RUNX2: variants seen among roughly 807,000 people sequenced by gnomAD.
RUNX2 encodes RUNX family transcription factor 2, also known as runt-related transcription factor 2.
In RUNX2, 10 loss-of-function variants were observed where a neutral mutation model predicts 51.7. The observed-to-expected ratio is 0.19, with a 90% CI of 0.12 to 0.33. RUNX2 has a LOEUF of 0.33. RUNX2 is among the 10% of genes least tolerant of loss of function. RUNX2 has a pLI of 1.00. For synonymous variants in RUNX2, 276 were observed against 273.6 expected (o/e 1.01, Z -0.09); for missense variants, 562 against 691.3 (o/e 0.81, Z 2.10).
intron 2 of RUNX2, among the ~76,000 whole-genome samples, chr6:45,372,530 A>AT (rs1796226530): frequency 6.6e-6 from 1 of 152,208 alleles, no homozygotes; most frequent in African/African-American, 2.4e-5. Context: ...ACATTTCAAG[A>AT]TTTTTTAATG....
chr6:45,342,862 T>C (rs1481809869), intron 2 of RUNX2, among the ~76,000 whole-genome samples: 2 of 152,198 alleles, frequency 1.3e-5, no homozygotes, highest in Non-Finnish European at 2.9e-5. Context: ...TTACAAGATA[T>C]TTGTAAATCG....
intron 3 of RUNX2, among the ~76,000 whole-genome samples, chr6:45,428,582 A>T (rs2819858): frequency 0.45 from 68,995 of 151,944 alleles, 15,851 homozygotes; most frequent in South Asian, 0.61. Flanking sequence ...GGCTCACACA[A>T]CTTGTGATTA....
chr6:45,395,921 C>T (rs1797571726), intron 2 of RUNX2, among the ~76,000 whole-genome samples: 1 of 152,204 alleles, frequency 6.6e-6, no homozygotes, highest in Non-Finnish European at 1.5e-5. Flanking sequence ...TGGCCTCGGC[C>T]TCCCAAAGTG....
At chr6:45,338,982 A>C (rs1279489332) in intron 2 of RUNX2, among the ~76,000 whole-genome samples, 1 of 152,182 alleles carries the variant, frequency 6.6e-6, no homozygotes, top group Non-Finnish European at 1.5e-5. Flanking sequence ...ATAAAATGAC[A>C]TGTAATAAGC....
chr6:45,404,262 AAAAAAAAAAAAAG>A (rs1797782940), intron 2 of RUNX2, among the ~76,000 whole-genome samples: 1 of 139,218 alleles, frequency 7.2e-6, no homozygotes, highest in Non-Finnish European at 1.6e-5. Flanking sequence ...TCTGTCTCAA[AAAAAAAAAAAAAG>A]AAAAAGAAAA....
At chr6:45,426,848 A>T (rs1170874750) in intron 3 of RUNX2, among the ~76,000 whole-genome samples, 1 of 152,178 alleles carries the variant, frequency 6.6e-6, no homozygotes, top group African/African-American at 2.4e-5. Flanking sequence ...TCTCTCTTCG[A>T]AAACAAATAT....
At chr6:45,544,112 G>A (rs1802316929) in intron 7 of RUNX2, among the ~76,000 whole-genome samples, 1 of 151,824 alleles carries the variant, frequency 6.6e-6, no homozygotes, top group Non-Finnish European at 1.5e-5. Flanking sequence ...TCCCTTTCAA[G>A]TCAACATTAG....
intron 6 of RUNX2, among the ~76,000 whole-genome samples, chr6:45,500,046 A>T (rs1262877839): frequency 6.6e-6 from 1 of 152,192 alleles, no homozygotes; most frequent in African/African-American, 2.4e-5. Context: ...AAGGATCAGA[A>T]TAGGAGATTA....
chr6:45,545,941 T>C (rs1582231016), intron 8 of RUNX2, among the ~76,000 whole-genome samples: 1 of 152,324 alleles, frequency 6.6e-6, no homozygotes, highest in Admixed American at 6.5e-5. Context: ...AAACCATCTT[T>C]GCCTTCAGGT....
chr6:45,394,280 C>G (rs1797537080), intron 2 of RUNX2, among the ~76,000 whole-genome samples: 1 of 152,114 alleles, frequency 6.6e-6, no homozygotes, highest in South Asian at 2.1e-4. Context: ...AAGCACCAAG[C>G]CATTCATGAG....
Position 45,547,372 on chromosome 6 carries a change from T to G in RUNX2, c.*67T>G, listed in dbSNP as rs1802434576. On this transcript the variant is annotated 3_prime_UTR_variant, in exon 9 of 9. Coordinates refer to ENST00000647337, the MANE Select transcript of RUNX2 (RefSeq NM_001024630.4). ...CCACACGTATCAATATATACATATA[T>G]AGAGAGAGTGCATATATATGTATAT... 6 of 1,225,186 alleles carry G rather than the reference T, an allele frequency of 4.9e-6. No homozygotes were observed. Among genetic ancestry groups the G allele is most frequent in the East Asian group, 4.6e-5 (2 of 43,138 alleles). The allele number at this position is 1,225,186 out of a possible 1,614,324, so 75.9% of individuals were successfully genotyped here. A position where few individuals can be genotyped will look rare whatever the true frequency, so the allele number is the denominator to read the frequency against.
chr6:45,469,728 C>T (rs1799742181), intron 5 of RUNX2, among the ~76,000 whole-genome samples: 2 of 152,226 alleles, frequency 1.3e-5, no homozygotes, highest in Non-Finnish European at 2.9e-5. Flanking sequence ...GTAATTCCCT[C>T]AAGATCTCCT....
At chr6:45,347,816 G>A (rs536503829) in intron 2 of RUNX2, among the ~76,000 whole-genome samples, 3 of 150,896 alleles carry the variant, frequency 2.0e-5, no homozygotes, top group African/African-American at 7.3e-5. Context: ...CTATTTATCA[G>A]AGAATAATTC....
At chr6:45,366,329 G>C (rs1795130857) in intron 2 of RUNX2, among the ~76,000 whole-genome samples, 1 of 152,108 alleles carries the variant, frequency 6.6e-6, no homozygotes, top group Admixed American at 6.6e-5. Context: ...AAGACTTTGG[G>C]CAAGTTACCT....
At chr6:45,337,584 C>T (rs1458718362) in intron 2 of RUNX2, among the ~76,000 whole-genome samples, 6 of 151,790 alleles carry the variant, frequency 4.0e-5, no homozygotes, top group East Asian at 3.9e-4. Flanking sequence ...CCTAAAACAA[C>T]GGACTACCTG....
rs1279824446 is a variant in RUNX2 at position 45,332,788 on chromosome 6, A to C, written c.58+4004A>C. On this transcript the variant is annotated intron_variant, in intron 2 of 8. Coordinates refer to ENST00000647337, the MANE Select transcript of RUNX2 (RefSeq NM_001024630.4). ...CCTTCCTGCAAATACTAAAATTGTA[A>C]TTATGGCAAAGCATAACTATTTTTT... Among the ~76,000 whole-genome samples the C allele has an allele frequency of 1.5e-4, 23 of 151,814 alleles. 1 individual carries two copies. The Admixed American group carries it at 1.5e-3, about 10-fold the overall frequency.
intron 2 of RUNX2, among the ~76,000 whole-genome samples, chr6:45,388,371 C>T (rs568968494): frequency 6.6e-6 from 1 of 152,272 alleles, no homozygotes; most frequent in African/African-American, 2.4e-5. Flanking sequence ...ACAGAGATAA[C>T]CAGAGGCTTG....
chr6:45,350,961 T>G (rs1473510113), intron 2 of RUNX2, among the ~76,000 whole-genome samples: 1 of 152,136 alleles, frequency 6.6e-6, no homozygotes, highest in Non-Finnish European at 1.5e-5. Flanking sequence ...GTAGCAGCAT[T>G]AGATTCTCCG....
intron 2 of RUNX2, among the ~76,000 whole-genome samples, chr6:45,351,993 T>G (rs986159920): frequency 3.9e-5 from 6 of 152,094 alleles, no homozygotes; most frequent in African/African-American, 1.4e-4. Context: ...CAACAAACCT[T>G]TACCACTCTC....
Sources: gnomAD v4.1 joint callset for allele counts (sites outside exome capture counted in the v4.1 genomes callset) on GRCh38, gnomAD v4.1.1 for gene constraint, MANE v1.5 for transcripts, NCBI Gene and HGNC (gene_info 2026-07-23, HGNC 2026-07-21) for gene names.